The following TRPM3 variants were observed in gnomAD, a reference collection of about 807,000 sequenced individuals.
TRPM3 encodes the protein transient receptor potential cation channel subfamily M member 3.
Under a neutral mutation model 181.2 loss-of-function variants are expected in TRPM3, and 77 were observed. The ratio of observed to expected loss-of-function variants is 0.42; its 90% CI spans 0.35 to 0.51. The LOEUF is 0.51. Among genes scored for constraint, TRPM3 ranks in the 20% least tolerant of loss-of-function variants. The pLI is 0.01. For missense variants in TRPM3, 1,759 were observed against 2,196.7 expected (o/e 0.80, Z 3.98); for synonymous variants, 745 against 796.4 (o/e 0.94, Z 1.09).
intron 1 of TRPM3, among the ~76,000 whole-genome samples, chr9:71,276,293 A>T (rs1565411358): frequency 8.4e-6 from 1 of 118,488 alleles, no homozygotes. Flanking sequence ...TTAGGGAAAT[A>T]TTTTTTTATG....
intron 6 of TRPM3, among the ~76,000 whole-genome samples, chr9:70,817,643 T>C (rs1306253388): frequency 6.6e-6 from 1 of 152,086 alleles, no homozygotes; most frequent in Non-Finnish European, 1.5e-5. Context: ...TCTAATCTCT[T>C]ACTACATGAA....
In TRPM3 at chr9:71,387,028, C is replaced by G. The variant is rs190457113; in HGVS notation, c.183+59625G>C. Among the ~76,000 whole-genome samples the G allele has an allele frequency of 5.8e-3, 889 of 152,156 alleles. 7 individuals carry two copies. Among genetic ancestry groups the G allele is most frequent in the Non-Finnish European group, 7.1e-3 (485 of 68,004 alleles). On this transcript the variant is annotated intron_variant, in intron 1 of 24. Transcript: ENST00000357533. The stretch of plus-strand genomic sequence containing the variant: ...ATTTGCTCAACTGATGGTTCTTACA[C>G]TTATTAGATAGTTATCTAACATATA...
intron 1 of TRPM3, among the ~76,000 whole-genome samples, chr9:71,365,721 C>T (rs1429083206): frequency 6.6e-6 from 1 of 152,106 alleles, no homozygotes; most frequent in Admixed American, 6.6e-5. Context: ...CCATTCCCAC[C>T]ACTTCCTACT....
At chr9:70,951,778 G>A (rs1279395077) in intron 1 of TRPM3, among the ~76,000 whole-genome samples, 1 of 152,156 alleles carries the variant, frequency 6.6e-6, no homozygotes, top group Non-Finnish European at 1.5e-5. Context: ...AACTTCCAGG[G>A]AAATATGGAT....
At chr9:71,115,203 G>A (rs1402166234) in intron 1 of TRPM3, among the ~76,000 whole-genome samples, 1 of 151,224 alleles carries the variant, frequency 6.6e-6, no homozygotes, top group Non-Finnish European at 1.5e-5. Context: ...CAGCTCAGCT[G>A]AATCTATGGC....
intron 1 of TRPM3, among the ~76,000 whole-genome samples, chr9:71,371,671 AG>A (rs2092518116): frequency 6.6e-6 from 1 of 152,208 alleles, no homozygotes; most frequent in African/African-American, 2.4e-5. Flanking sequence ...ATGATAACAA[AG>A]GTTATAAACT....
At chr9:71,306,008 T>G (rs908192137) in intron 1 of TRPM3, among the ~76,000 whole-genome samples, 2 of 152,154 alleles carry the variant, frequency 1.3e-5, no homozygotes, top group African/African-American at 4.8e-5. Flanking sequence ...CATTCTCTAT[T>G]TCACATTGAC....
chr9:71,122,122 G>A (rs1488637407), upstream of TRPM3, among the ~76,000 whole-genome samples: 2 of 152,054 alleles, frequency 1.3e-5, no homozygotes, highest in African/African-American at 4.8e-5. Context: ...TTTAAATGGG[G>A]GTTATCTCCT....
At chr9:71,440,634 ATC>A (rs2094123886) in intron 1 of TRPM3, among the ~76,000 whole-genome samples, 3 of 152,226 alleles carry the variant, frequency 2.0e-5, no homozygotes, top group Admixed American at 2.0e-4. Flanking sequence ...GACTTTGTAT[ATC>A]TCTGTGTTGT....
At chr9:70,907,643 C>G (rs947221720) in intron 1 of TRPM3, among the ~76,000 whole-genome samples, 54 of 152,074 alleles carry the variant, frequency 3.6e-4, no homozygotes, top group African/African-American at 1.3e-3. Context: ...TCTACTGATC[C>G]CATTGCCCCA....
At chr9:71,050,219 G>A (rs2059914446) in intron 1 of TRPM3, among the ~76,000 whole-genome samples, 1 of 152,104 alleles carries the variant, frequency 6.6e-6, no homozygotes, top group Non-Finnish European at 1.5e-5. Context: ...TGTTTTGTGG[G>A]TATGGAATAT....
At chr9:71,302,368 T>G (rs1280398430) in intron 1 of TRPM3, among the ~76,000 whole-genome samples, 1 of 152,184 alleles carries the variant, frequency 6.6e-6, no homozygotes, top group Non-Finnish European at 1.5e-5. Flanking sequence ...GACTACCTAA[T>G]TGATATGAAA....
chr9:71,203,012 T>A (rs1409425782), intron 1 of TRPM3, among the ~76,000 whole-genome samples: 2 of 152,226 alleles, frequency 1.3e-5, no homozygotes, highest in Non-Finnish European at 2.9e-5. Flanking sequence ...CCCACAGCAC[T>A]GACTGTATGA....
intron 1 of TRPM3, among the ~76,000 whole-genome samples, chr9:71,080,731 G>T (rs1056526661): frequency 6.6e-6 from 1 of 152,162 alleles, no homozygotes; most frequent in Non-Finnish European, 1.5e-5. Flanking sequence ...GCTTGAGGAA[G>T]TGCAACATTA....
rs904046124 is a variant in TRPM3 at position 71,204,594 on chromosome 9, G to A, written c.183+242059C>T. 1.9e-3 allele frequency among the ~76,000 whole-genome samples: 290 copies of A among 152,158 alleles called. 1 individual carries two copies. The highest frequency in any genetic ancestry group is 3.4e-3 in the Middle Eastern group (1 of 294). On this transcript the variant is annotated intron_variant, in intron 1 of 24. Coordinates refer to the TRPM3 transcript ENST00000357533. Reference sequence around the variant, plus strand: ...GCTGGAGAGGATGTGGAGAAATAGGGACACTTTTACACTGTTGGTGGGACT... The same window carrying A: ...GCTGGAGAGGATGTGGAGAAATAGGAACACTTTTACACTGTTGGTGGGACT...
chr9:70,607,730 C>G (rs2061412160), intron 19 of TRPM3, among the ~76,000 whole-genome samples: 2 of 152,156 alleles, frequency 1.3e-5, no homozygotes, highest in African/African-American at 4.8e-5. Flanking sequence ...AACAAAACTC[C>G]CTTGTCATCA....
At chr9:70,754,344 G>T (rs1325738455) in intron 8 of TRPM3, among the ~76,000 whole-genome samples, 1 of 152,164 alleles carries the variant, frequency 6.6e-6, no homozygotes, top group Non-Finnish European at 1.5e-5. Context: ...TGAATATGTT[G>T]CAGATAGTCT....
intron 1 of TRPM3, among the ~76,000 whole-genome samples, chr9:71,317,788 A>T (rs1040817800): frequency 2.0e-5 from 3 of 152,224 alleles, no homozygotes; most frequent in Non-Finnish European, 2.9e-5. Flanking sequence ...CCTTCATCTC[A>T]CAAAATACTT....
Position 70,625,118 on chromosome 9 carries a change from A to G in TRPM3, c.1809+73T>C. The G allele has an allele frequency of 1.3e-6, 2 of 1,545,872 alleles. No individual in the cohort carries two copies. Among genetic ancestry groups the G allele is most frequent in the Non-Finnish European group, 1.8e-6 (2 of 1,138,598 alleles). On this transcript the variant is annotated intron_variant, in intron 14 of 25. Transcript: ENST00000677713. The surrounding 1 kb of genome is among the most constrained non-coding windows in gnomAD (Gnocchi z 4.8). ...TCTGATTTTAATTCCCCTTGGAGAC[A>G]AAGAAGCCACAACCCAAATCCCATA...
Sources: gnomAD v4.1 joint callset for allele counts (sites outside exome capture counted in the v4.1 genomes callset) on GRCh38, gnomAD v4.1.1 for gene constraint, Gnocchi (gnomAD v3.1) non-coding constraint, MANE v1.5 for transcripts, NCBI Gene and HGNC (gene_info 2026-07-23, HGNC 2026-07-21) for gene names.